Variants in DTD1 observed in about 807,000 individuals in gnomAD.
The protein encoded by DTD1 is D-tyrosyl-tRNA deacylase 1 homolog.
In DTD1, 13 loss-of-function variants were observed where a neutral mutation model predicts 25.6. The ratio of observed to expected loss-of-function variants is 0.51; its 90% CI spans 0.33 to 0.81. DTD1 has a LOEUF of 0.81. Among genes scored for constraint, DTD1 ranks in the 30% least tolerant of loss-of-function variants. The pLI is 0.02. For synonymous variants in DTD1, 110 were observed against 103.6 expected (o/e 1.06, Z -0.37); for missense variants, 193 against 266.4 (o/e 0.72, Z 1.92).
chr20:18,673,332 G>A (rs1201031550), intron 4 of DTD1, among the ~76,000 whole-genome samples: 2 of 152,074 alleles, frequency 1.3e-5, no homozygotes, highest in African/African-American at 4.8e-5. Flanking sequence ...AAAACACATG[G>A]TAGAATATAT....
rs187672333 is a variant in DTD1, at chr20:18,746,115, G to T, written c.*19+1844G>T. ...GGGGTTGCTGACGGTACCTATTTTG[G>T]GTGTGTTGTGTTTGAGGTGCCTGTT... is the stretch of plus-strand genomic sequence containing the variant. On this transcript the variant is annotated intron_variant, in intron 5 of 5. Coordinates refer to ENST00000377452, the MANE Select transcript of DTD1 (RefSeq NM_080820.6). Among the ~76,000 whole-genome samples, 33 of 152,254 alleles carry T rather than the reference G, an allele frequency of 2.2e-4. No individual in the cohort carries two copies. In the East Asian group the frequency reaches 5.4e-3, roughly 25 times the overall value.
chr20:18,603,990 G>T (rs2060646961), intron 3 of DTD1, among the ~76,000 whole-genome samples: 1 of 17,330 alleles, frequency 5.8e-5, no homozygotes, highest in Non-Finnish European at 1.4e-4. Context: ...CCAGGAGCTG[G>T]TTTTTTGAAA....
chr20:18,685,467 AG>A (rs2061012920), intron 4 of DTD1, among the ~76,000 whole-genome samples: 1 of 152,114 alleles, frequency 6.6e-6, no homozygotes, highest in South Asian at 2.1e-4. Context: ...GTGAATGTGC[AG>A]GGGGGCAGAG....
At chr20:18,662,641 A>G (rs571079910) in intron 4 of DTD1, among the ~76,000 whole-genome samples, 1 of 152,370 alleles carries the variant, frequency 6.6e-6, no homozygotes, top group Admixed American at 6.5e-5. Flanking sequence ...TGTCTTGTCC[A>G]TAGTGTAGAA....
chr20:18,692,263 G>C lies in DTD1; in HGVS notation c.478-51837G>C, dbSNP rs142984619. On this transcript the variant is annotated intron_variant, in intron 4 of 5. Transcript: ENST00000377452. ...TGATACCTAAGACAAGGAGTTTGAC[G>C]TTTGCTGATTTGATGCCTTGTTTGT... is the stretch of plus-strand genomic sequence containing the variant. Among the ~76,000 whole-genome samples, 457 of 152,274 alleles carry C rather than the reference G, an allele frequency of 3.0e-3. 2 individuals carry two copies. The highest frequency in any genetic ancestry group is 5.0e-3 in the Non-Finnish European group (340 of 68,016).
intron 4 of DTD1, among the ~76,000 whole-genome samples, chr20:18,718,681 A>G (rs2061191080): frequency 6.6e-6 from 1 of 152,220 alleles, no homozygotes; most frequent in Non-Finnish European, 1.5e-5. Context: ...TCTATCTAAT[A>G]TAATGTTATA....
chr20:18,685,868 T>G (rs2061014663), intron 4 of DTD1, among the ~76,000 whole-genome samples: 1 of 152,180 alleles, frequency 6.6e-6, no homozygotes, highest in Admixed American at 6.5e-5. Flanking sequence ...CCCTCTTCCT[T>G]CTCCCCTGCA....
chr20:18,735,878 G>T (rs2061253035), intron 4 of DTD1, among the ~76,000 whole-genome samples: 1 of 152,008 alleles, frequency 6.6e-6, no homozygotes, highest in Non-Finnish European at 1.5e-5. Flanking sequence ...CAACCCTTTG[G>T]ATTTAAGGAC....
Position 18,735,573 on chromosome 20 carries a change from T to C in DTD1, c.478-8527T>C, listed in dbSNP as rs544476052. Among the ~76,000 whole-genome samples the C allele has an allele frequency of 7.9e-5, 12 of 152,370 alleles. No homozygotes were observed. In the East Asian group the frequency reaches 2.1e-3, roughly 27 times the overall value. The stretch of plus-strand genomic sequence containing the variant: ...TTTTCGGAATGCCAAAGGGGACAAA[T>C]TGATTGTCACAATCTAAGGGGTCAT... On this transcript the variant is annotated intron_variant, in intron 4 of 5. Transcript: ENST00000377452.
chr20:18,613,806 T>C (rs1462165892), intron 3 of DTD1, among the ~76,000 whole-genome samples: 3 of 152,188 alleles, frequency 2.0e-5, no homozygotes, highest in Non-Finnish European at 4.4e-5. Context: ...GTTTAGGTCA[T>C]TTGTTGATTC....
At chr20:18,743,481 C>A (rs2061286192) in intron 4 of DTD1, among the ~76,000 whole-genome samples, 1 of 151,788 alleles carries the variant, frequency 6.6e-6, no homozygotes, top group African/African-American at 2.4e-5. Flanking sequence ...GTTGCTTGAG[C>A]CCAGGAGTTC....
intron 4 of DTD1, among the ~76,000 whole-genome samples, chr20:18,720,252 A>C (rs1442933083): frequency 2.0e-5 from 3 of 152,202 alleles, no homozygotes; most frequent in Admixed American, 6.5e-5. Context: ...GAAAATGACC[A>C]ATTGGTTTTC....
intron 3 of DTD1, among the ~76,000 whole-genome samples, chr20:18,614,003 G>T (rs1600319116): frequency 6.6e-6 from 1 of 152,084 alleles, no homozygotes. Context: ...AGACAGTTTC[G>T]CCATGTTGCC....
intron 3 of DTD1, among the ~76,000 whole-genome samples, chr20:18,599,756 C>G (rs2060625954): frequency 6.6e-6 from 1 of 152,142 alleles, no homozygotes; most frequent in African/African-American, 2.4e-5. Flanking sequence ...TTGCATTTAC[C>G]TGATGACATA....
chr20:18,614,251 G>A (rs1177704964), intron 3 of DTD1, among the ~76,000 whole-genome samples: 3 of 152,122 alleles, frequency 2.0e-5, no homozygotes, highest in Non-Finnish European at 1.5e-5. Flanking sequence ...AAACCCCTAA[G>A]TCCTGGGCAA....
chr20:18,711,424 G>A lies in DTD1; in HGVS notation c.478-32676G>A, dbSNP rs143571891. ...TGAACTCTCCCTAGGTGGTCAGATG[G>A]AGCTCCCATGGGGCTTACCTGGCTT... On this transcript the variant is annotated intron_variant, in intron 4 of 5. Coordinates refer to ENST00000377452, the MANE Select transcript of DTD1 (RefSeq NM_080820.6). Among the ~76,000 whole-genome samples, 3 of 152,254 alleles carry A rather than the reference G, an allele frequency of 2.0e-5. No individual in the cohort carries two copies. The East Asian group carries it at 5.8e-4, about 29-fold the overall frequency.
At chr20:18,735,327 G>T (rs1175404752) in intron 4 of DTD1, among the ~76,000 whole-genome samples, 4 of 152,242 alleles carry the variant, frequency 2.6e-5, no homozygotes, top group African/African-American at 7.2e-5. Flanking sequence ...TGGAAACAGG[G>T]TGTGCTGTCC....
chr20:18,673,971 AC>A (rs2060960222), intron 4 of DTD1, among the ~76,000 whole-genome samples: 1 of 152,074 alleles, frequency 6.6e-6, no homozygotes. Context: ...TTTGTTACAA[AC>A]CATTTCAGAA....
At chr20:18,598,061 A>G (rs2060618854) in intron 3 of DTD1, among the ~76,000 whole-genome samples, 1 of 152,182 alleles carries the variant, frequency 6.6e-6, no homozygotes, top group South Asian at 2.1e-4. Flanking sequence ...GTTTTGTTAC[A>G]TAGGTATACA....
Sources: gnomAD v4.1 joint callset for allele counts (sites outside exome capture counted in the v4.1 genomes callset) on GRCh38, gnomAD v4.1.1 for gene constraint, MANE v1.5 for transcripts, NCBI Gene and HGNC (gene_info 2026-07-23, HGNC 2026-07-21) for gene names.